The following ALDH3B1 variants were observed in gnomAD, a reference collection of about 807,000 sequenced individuals.
The protein encoded by ALDH3B1 is aldehyde dehydrogenase family 3 member B1.
A neutral mutation model predicts 46.2 loss-of-function variants in ALDH3B1; 37 were observed. The observed-to-expected ratio is 0.80, with a 90% CI of 0.62 to 1.05. ALDH3B1 has a LOEUF of 1.05. ALDH3B1 is among the 50% of genes least tolerant of loss of function. The pLI, the probability that ALDH3B1 is intolerant of heterozygous loss-of-function variation, is 0.00. For synonymous variants in ALDH3B1, 283 were observed against 281.0 expected (o/e 1.01, Z -0.07); for missense variants, 603 against 665.5 (o/e 0.91, Z 1.03).
At position 68,027,969 on chromosome 11, in the gene ALDH3B1, C is replaced by A; in HGVS notation, c.*30C>A. On this transcript the variant is annotated 3_prime_UTR_variant, in exon 10 of 10. Transcript: ENST00000342456. ...TTCCCCAGGCCCAGGCTGTAGACCA[C>A]CATGACAGCTGTCGCCTGCGGCTGG... The A allele has an allele frequency of 6.4e-7, 1 of 1,556,202 alleles. No individual in the cohort carries two copies. The highest frequency in any genetic ancestry group is 1.4e-5 in the African/African-American group (1 of 73,856).
intron 1 of ALDH3B1, among the ~76,000 whole-genome samples, chr11:68,012,785 G>C (rs563046783): frequency 1.3e-5 from 2 of 152,100 alleles, no homozygotes; most frequent in Non-Finnish European, 2.9e-5. Flanking sequence ...CCATCCCCAG[G>C]GGACTGTGAG....
At chr11:68,025,507 G>A (rs1473447868) in intron 8 of ALDH3B1, among the ~76,000 whole-genome samples, 2 of 152,158 alleles carry the variant, frequency 1.3e-5, no homozygotes, top group Admixed American at 1.3e-4. Flanking sequence ...TTTCTAAAGT[G>A]CAAATCTGAC....
chr11:68,011,600 G>A (rs950156440), intron 1 of ALDH3B1, among the ~76,000 whole-genome samples: 95 of 152,284 alleles, frequency 6.2e-4, no homozygotes, highest in African/African-American at 2.2e-3. Context: ...GAGACCCTGC[G>A]GTATTGGGCC....
At chr11:68,021,996 T>G in intron 7 of ALDH3B1, 125 bp downstream of exon 7, 1 of 1,460,136 alleles carries the variant, frequency 6.8e-7, no homozygotes. Context: ...AGCCCGGCCT[T>G]GAGCCACAGC....
intron 9 of ALDH3B1, among the ~76,000 whole-genome samples, chr11:68,026,498 C>T (rs890789950): frequency 1.1e-4 from 16 of 152,264 alleles, no homozygotes; most frequent in African/African-American, 3.4e-4. Context: ...TCCAGGGCAG[C>T]TGCTCCTCTA....
intron 9 of ALDH3B1, among the ~76,000 whole-genome samples, 197 bp from the exon 10 acceptor site, chr11:68,027,552 C>A (rs1419550652): frequency 6.6e-6 from 1 of 152,238 alleles, no homozygotes. Flanking sequence ...CTTGCCCTGG[C>A]ATCTGGCATC....
chr11:68,017,089 C>G (rs968591397), intron 2 of ALDH3B1: 2 of 152,372 alleles, frequency 1.3e-5, no homozygotes, highest in Admixed American at 1.3e-4. Context: ...CCAGAAGAGG[C>G]TCAGAGAGAG....
At chr11:68,015,041 T>A in intron 1 of ALDH3B1, 1 of 395,948 alleles carries the variant, frequency 2.5e-6, no homozygotes, top group Non-Finnish European at 4.5e-6. Flanking sequence ...CGCCTCCAGG[T>A]CCATGGCAGA....
chr11:68,019,185 T>C lies in ALDH3B1; in HGVS notation c.410T>C (p.Leu137Pro), dbSNP rs1406943190. The change falls in exon 5 of 10, where the codon CTG becomes CCG. Residue 137 changes from leucine (L) to proline (P), a missense_variant. Coordinates refer to ENST00000342456, the MANE Select transcript of ALDH3B1 (RefSeq NM_000694.4). The stretch of plus-strand genomic sequence containing the variant: ...TGCCCTGCAGGGAACTGTGTGGTGC[T>C]GAAGCCATCGGAGATTAGCAAGAAC... ...GALAAGNCVV[L>P]KPSEISKNVE... 5 of 1,612,882 alleles carry C rather than the reference T, an allele frequency of 3.1e-6. No individual in the cohort carries two copies. The African/African-American group carries it at 4.0e-5, about 13-fold the overall frequency.
At chr11:68,026,896 G>A (rs1029156619) in intron 9 of ALDH3B1, among the ~76,000 whole-genome samples, 1 of 152,148 alleles carries the variant, frequency 6.6e-6, no homozygotes, top group Non-Finnish European at 1.5e-5. Context: ...AGTTTGGGCG[G>A]CTGCCCCCGA....
Position 68,012,415 on chromosome 11 carries a change from C to T in ALDH3B1, c.-2+2023C>T, listed in dbSNP as rs116212839. ...TGGCCCCCAGGCCAGAGGAAACAGC[C>T]GCTATCTTCATCACCAAATGATGTG... On this transcript the variant is annotated intron_variant, in intron 1 of 9. Transcript: ENST00000342456. Among the ~76,000 whole-genome samples, 619 of 152,296 alleles carry T rather than the reference C, an allele frequency of 4.1e-3. 2 individuals carry two copies. Among genetic ancestry groups the T allele is most frequent in the African/African-American group, 0.013 (533 of 41,562 alleles).
rs1590780690 is a variant in ALDH3B1 at position 68,022,646 on chromosome 11, A to T, written c.1001A>T (p.Glu334Val). 6.2e-7 allele frequency: 1 copy of T among 1,614,034 alleles called. No individual in the cohort carries two copies. The highest frequency in any genetic ancestry group is 2.2e-5 in the East Asian group (1 of 44,878). ...GAGATGGAGCCTGTGATGCAGGAGG[A>T]GATCTTCGGGCCCATCCTGCCCATC... is the stretch of plus-strand genomic sequence containing the variant. ...VQEMEPVMQE[E>V]IFGPILPIVN... The change falls in exon 8 of 10, where the codon GAG becomes GTG. Residue 334 changes from glutamate (E) to valine (V), a missense_variant. By Grantham distance (121) the Glu-to-Val change is moderately radical (BLOSUM62 -2). Coordinates refer to ENST00000342456, the MANE Select transcript of ALDH3B1 (RefSeq NM_000694.4).
In ALDH3B1 at chr11:68,022,772, G is replaced by A. The variant is rs377123379; in HGVS notation, c.1116+11G>A. On this transcript the variant is annotated intron_variant, in intron 8 of 9. Transcript: ENST00000342456. ...TCCAACAGCAGCCAGGTGGGGGTGC[G>A]GCCGGGCTGGGCAGGGTCAGGAGCC... The A allele has an allele frequency of 1.7e-5, 27 of 1,613,330 alleles. No homozygotes were observed. The African/African-American group carries it at 1.7e-4, about 10-fold the overall frequency.
Position 68,026,016 on chromosome 11 carries a change from A to G in ALDH3B1, c.1124A>G (p.Lys375Arg), listed in dbSNP as rs1452190888. Residue 375 changes from lysine (K) to arginine (R), a missense_variant, in exon 9 of 10, where the codon AAG (lysine) becomes AGG (arginine). By Grantham distance (26) the Lys-to-Arg change is conservative (BLOSUM62 2). Transcript: ENST00000342456. ...YAFSNSSQVV[K>R]RVLTQTSSGG... is the part of the protein sequence containing the mutation. ...CATCCTGTTCTCTCCCAGGTGGTCA[A>G]GCGGGTGCTGACCCAGACCAGCAGC... 6.2e-7 allele frequency: 1 copy of G among 1,601,512 alleles called. No homozygotes were observed.
At chr11:68,027,348 C>A (rs1857651632) in intron 9 of ALDH3B1, among the ~76,000 whole-genome samples, 1 of 152,208 alleles carries the variant, frequency 6.6e-6, no homozygotes, top group South Asian at 2.1e-4. Context: ...CTGCACATAG[C>A]ACCTACTGGG....
upstream of ALDH3B1, among the ~76,000 whole-genome samples, chr11:68,009,890 G>T (rs970483245): frequency 6.6e-6 from 1 of 152,140 alleles, no homozygotes; most frequent in Admixed American, 6.5e-5. Flanking sequence ...GGGAGGCATT[G>T]AGGGAAGGCT....
intron 6 of ALDH3B1, among the ~76,000 whole-genome samples, chr11:68,021,082 A>G (rs1253242220): frequency 1.3e-5 from 2 of 152,234 alleles, no homozygotes; most frequent in Non-Finnish European, 2.9e-5. Context: ...CCGTAGACAG[A>G]GCTGGACTCC....
intron 2 of ALDH3B1, chr11:68,018,085 A>C (rs581105): frequency 0.48 from 74,877 of 156,284 alleles, 18,475 homozygotes; most frequent in African/African-American, 0.58. Context: ...TTGTTCCTTG[A>C]CTTCAGGTCA....
At chr11:68,009,281 C>T (rs148575234), upstream of ALDH3B1, among the ~76,000 whole-genome samples, 14 of 152,298 alleles carry the variant, frequency 9.2e-5, no homozygotes, top group Admixed American at 4.6e-4. Flanking sequence ...AAGCACAGGG[C>T]GCTGGGAGAG....
Sources: allele counts gnomAD v4.1 joint callset (sites outside exome capture counted in the v4.1 genomes callset), GRCh38; gene constraint gnomAD v4.1.1; transcripts MANE v1.5; gene names NCBI Gene and HGNC (gene_info 2026-07-23, HGNC 2026-07-21).